CAMKMT: variants seen among roughly 807,000 people sequenced by gnomAD.
The protein encoded by CAMKMT is CaM KMT.
A neutral mutation model predicts 48.0 loss-of-function variants in CAMKMT; 53 were observed. The ratio of observed to expected loss-of-function variants is 1.10; its 90% CI spans 0.89 to 1.39. CAMKMT has a LOEUF of 1.39. Among genes scored for constraint, CAMKMT ranks in the 40% most tolerant of loss-of-function variants. The pLI is 0.00. For missense variants in CAMKMT, 428 were observed against 402.7 expected (o/e 1.06, Z -0.54); for synonymous variants, 165 against 152.3 (o/e 1.08, Z -0.61).
chr2:44,659,097 T>TTTA (rs1431823939), intron 3 of CAMKMT, among the ~76,000 whole-genome samples: 9 of 140,670 alleles, frequency 6.4e-5, no homozygotes, highest in African/African-American at 2.5e-4. Flanking sequence ...TTTTTTTTTT[T>TTTA]TGGTAAAATG....
intron 3 of CAMKMT, 66 bp downstream of exon 3, chr2:44,390,371 T>A (rs981601133): frequency 2.2e-5 from 25 of 1,152,076 alleles, no homozygotes; most frequent in Non-Finnish European, 3.2e-5. Context: ...ATAGTTGATG[T>A]TTTCTTCTCA....
chr2:44,445,771 C>T (rs553918335), intron 3 of CAMKMT, among the ~76,000 whole-genome samples: 2 of 147,930 alleles, frequency 1.4e-5, no homozygotes, highest in South Asian at 4.3e-4. Context: ...TCCTCAGCCC[C>T]CTCCTCTTGT....
intron 3 of CAMKMT, among the ~76,000 whole-genome samples, chr2:44,661,575 A>G (rs1242348665): frequency 2.6e-5 from 4 of 152,254 alleles, no homozygotes; most frequent in African/African-American, 4.8e-5. Flanking sequence ...AAGCCTTGGT[A>G]TTGCTATAAG....
intron 3 of CAMKMT, among the ~76,000 whole-genome samples, chr2:44,696,612 C>T (rs538648323): frequency 1.7e-4 from 26 of 152,140 alleles, no homozygotes; most frequent in East Asian, 7.7e-4. Flanking sequence ...GCAGAGAATA[C>T]GAAAAGCCAG....
At chr2:44,517,642 A>G (rs1670901002) in intron 3 of CAMKMT, among the ~76,000 whole-genome samples, 1 of 152,212 alleles carries the variant, frequency 6.6e-6, no homozygotes, top group African/African-American at 2.4e-5. Context: ...TGTAATAGGA[A>G]CAAAGTGGAA....
intron 3 of CAMKMT, among the ~76,000 whole-genome samples, chr2:44,421,761 A>G (rs1683950708): frequency 3.3e-5 from 5 of 152,240 alleles, no homozygotes; most frequent in Admixed American, 3.3e-4. Context: ...TATGGTTTTT[A>G]GAACAACAAT....
At chr2:44,751,426 C>T (rs1553447067) in intron 8 of CAMKMT, among the ~76,000 whole-genome samples, 1 of 152,158 alleles carries the variant, frequency 6.6e-6, no homozygotes, top group Non-Finnish European at 1.5e-5. Context: ...CTCTGTGCCT[C>T]CATTTCCTTA....
At chr2:44,570,874 GTTA>G (rs775450832) in intron 3 of CAMKMT, among the ~76,000 whole-genome samples, 3 of 152,106 alleles carry the variant, frequency 2.0e-5, no homozygotes, top group Non-Finnish European at 4.4e-5. Context: ...AGTATTTCAG[GTTA>G]TTGTTACATA....
At chr2:44,382,246 GT>G (rs2104389891) in intron 2 of CAMKMT, among the ~76,000 whole-genome samples, 1 of 151,570 alleles carries the variant, frequency 6.6e-6, no homozygotes, top group African/African-American at 2.4e-5. Flanking sequence ...CATTTTGGAG[GT>G]TAAATATTTT....
chr2:44,418,769 T>G (rs2104503478), intron 3 of CAMKMT, among the ~76,000 whole-genome samples: 1 of 152,324 alleles, frequency 6.6e-6, no homozygotes, highest in Middle Eastern at 3.4e-3. Flanking sequence ...CTTATCAATG[T>G]CTGCTAAGAA....
At chr2:44,551,419 G>C (rs1159171733) in intron 3 of CAMKMT, among the ~76,000 whole-genome samples, 5 of 152,098 alleles carry the variant, frequency 3.3e-5, no homozygotes, top group Non-Finnish European at 7.3e-5. Flanking sequence ...GTGTTCCATA[G>C]GCCATTACCA....
At chr2:44,434,977 A>T (rs1172166323) in intron 3 of CAMKMT, among the ~76,000 whole-genome samples, 1 of 152,202 alleles carries the variant, frequency 6.6e-6, no homozygotes, top group East Asian at 1.9e-4. Context: ...ACTTCATATA[A>T]TGGCATCATT....
intron 3 of CAMKMT, among the ~76,000 whole-genome samples, chr2:44,635,811 C>A (rs1377334199): frequency 1.3e-5 from 2 of 152,100 alleles, no homozygotes; most frequent in Non-Finnish European, 2.9e-5. Context: ...TATTAAGATA[C>A]AATACACAAG....
intron 7 of CAMKMT, among the ~76,000 whole-genome samples, chr2:44,729,797 C>A (rs1678985370): frequency 6.6e-6 from 1 of 152,118 alleles, no homozygotes; most frequent in Non-Finnish European, 1.5e-5. Flanking sequence ...TAGATCAGGG[C>A]TTCTCAAAGT....
At chr2:44,499,176 G>A (rs143732016) in intron 3 of CAMKMT, among the ~76,000 whole-genome samples, 2 of 152,156 alleles carry the variant, frequency 1.3e-5, no homozygotes, top group African/African-American at 4.8e-5. Context: ...AGAATAGGCA[G>A]ATATATGGAG....
intron 3 of CAMKMT, among the ~76,000 whole-genome samples, chr2:44,647,055 T>G (rs1249176842): frequency 1.3e-5 from 2 of 152,118 alleles, no homozygotes; most frequent in Non-Finnish European, 2.9e-5. Context: ...TTCCAGCACT[T>G]TGGGAGGCCG....
At chr2:44,620,807 C>A (rs1672142578) in intron 3 of CAMKMT, among the ~76,000 whole-genome samples, 1 of 152,208 alleles carries the variant, frequency 6.6e-6, no homozygotes, top group South Asian at 2.1e-4. Context: ...TGCCAGATTG[C>A]CTGTTTAGAA....
At chr2:44,628,050 C>G (rs930118798) in intron 3 of CAMKMT, among the ~76,000 whole-genome samples, 3 of 151,734 alleles carry the variant, frequency 2.0e-5, no homozygotes, top group Admixed American at 2.0e-4. Context: ...ATCAATGTTC[C>G]CTATTTCAGT....
chr2:44,667,485 A>G (rs755735539), intron 3 of CAMKMT, among the ~76,000 whole-genome samples: 2 of 152,124 alleles, frequency 1.3e-5, no homozygotes, highest in Non-Finnish European at 1.5e-5. Flanking sequence ...ATTATCCGCT[A>G]ATGTTTAAGA....
Sources: gnomAD v4.1 joint callset for allele counts (sites outside exome capture counted in the v4.1 genomes callset) on GRCh38, gnomAD v4.1.1 for gene constraint, MANE v1.5 for transcripts, NCBI Gene and HGNC (gene_info 2026-07-23, HGNC 2026-07-21) for gene names.